Variants in TRAF7 observed in about 807,000 individuals in gnomAD.
TRAF7 encodes TNF receptor associated factor 7.
In TRAF7, 45 loss-of-function variants were observed where a neutral mutation model predicts 89.3. The ratio of observed to expected loss-of-function variants is 0.50; its 90% CI spans 0.40 to 0.65. The LOEUF (loss-of-function observed/expected upper bound fraction) is 0.65. Ranked by LOEUF, TRAF7 falls within the 30% of genes least tolerant of loss-of-function variation. The pLI, the probability that TRAF7 is intolerant of heterozygous loss-of-function variation, is 0.00. For synonymous variants in TRAF7, 406 were observed against 369.2 expected (o/e 1.10, Z -1.14); for missense variants, 677 against 918.1 (o/e 0.74, Z 3.39).
At position 2,173,973 on chromosome 16, in the gene TRAF7, G is replaced by A. The variant is rs773070703; in HGVS notation, c.1188G>A (p.Gln396=). 6.2e-6 allele frequency: 10 copies of A among 1,612,036 alleles called. No homozygotes were observed. Among genetic ancestry groups the A allele is most frequent in the Non-Finnish European group, 7.6e-6 (9 of 1,179,520 alleles). ...FKCKGTFVGH[Q]GPVWCLCVYS... The stretch of plus-strand genomic sequence containing the variant: ...GCAAAGGGACCTTTGTGGGCCACCA[G>A]GGCCCTGTGTGGTGTCTCTGCGTCT... The change falls in exon 13 of 21, where the codon CAG becomes CAA. Residue 396 remains glutamine, a synonymous_variant. Transcript: ENST00000326181.
In TRAF7 at chr16:2,177,983, C is replaced by T. The variant is rs1006010923; in HGVS notation, c.*1409C>T. On this transcript the variant is annotated 3_prime_UTR_variant, in exon 21 of 21. Transcript: ENST00000326181. ...ACAGCTTTTGTCCGGAGCTAGACTT[C>T]GTGTCCTTTCAGTTGGTAAATGGTT... is the stretch of plus-strand genomic sequence containing the variant. The T allele has an allele frequency of 5.2e-6, 2 of 385,524 alleles. No individual in the cohort carries two copies. The highest frequency in any genetic ancestry group is 9.8e-6 in the Non-Finnish European group (2 of 205,112). The allele number at this position is 385,524 out of a possible 1,614,324, so 23.9% of individuals were successfully genotyped here. A position where few individuals can be genotyped will look rare whatever the true frequency, so the allele number is the denominator to read the frequency against.
chr16:2,173,437 C>G (rs2093121925), intron 10 of TRAF7, 38 bp downstream of exon 10: 1 of 1,612,308 alleles, frequency 6.2e-7, no homozygotes, highest in Non-Finnish European at 8.5e-7. Context: ...GGCCTGGCCA[C>G]TGCTCCGGGC....
intron 2 of TRAF7, among the ~76,000 whole-genome samples, 174 bp downstream of exon 2, chr16:2,164,175 C>CGCGCGCGCACGCGT (rs1555465738): frequency 3.9e-4 from 47 of 119,588 alleles, no homozygotes; most frequent in Admixed American, 6.3e-4. Flanking sequence ...CGCGCGCGCG[C>CGCGCGCGCACGCGT]GCGCGCACGC....
rs770739905 is a variant in TRAF7 at position 2,176,543 on chromosome 16, C to T, written c.1999-17C>T. On this transcript the variant is annotated splice_polypyrimidine_tract_variant and intron_variant, in intron 20 of 20. Coordinates refer to ENST00000326181, the MANE Select transcript of TRAF7 (RefSeq NM_032271.3). Reference sequence around the variant, plus strand: ...CCGGCCGCAGGACATCCTGGTGAAGCAGCCCTTTCTCTGCAGGTTTGGACT... The same window carrying T: ...CCGGCCGCAGGACATCCTGGTGAAGTAGCCCTTTCTCTGCAGGTTTGGACT... The T allele has an allele frequency of 6.2e-7, 1 of 1,613,338 alleles. No individual in the cohort carries two copies. Among genetic ancestry groups the T allele is most frequent in the Non-Finnish European group, 8.5e-7 (1 of 1,180,006 alleles).
At chr16:2,160,837 G>T (rs1186579891) in intron 1 of TRAF7, among the ~76,000 whole-genome samples, 1 of 152,072 alleles carries the variant, frequency 6.6e-6, no homozygotes, top group African/African-American at 2.4e-5. Flanking sequence ...TGGGGAAAGA[G>T]GCACTCTCCC....
Position 2,176,886 on chromosome 16 carries a change from C to T in TRAF7, c.*312C>T. ...ACTCACCTTTTCTACCGTTTTTAGA[C>T]TGTATGTAGATTTGGTTACCTCCTG... On this transcript the variant is annotated 3_prime_UTR_variant, in exon 21 of 21. Coordinates refer to ENST00000326181, the MANE Select transcript of TRAF7 (RefSeq NM_032271.3). 1 of 540,738 alleles carries T rather than the reference C, an allele frequency of 1.8e-6. No individual in the cohort carries two copies. Among genetic ancestry groups the T allele is most frequent in the Admixed American group, 3.1e-5 (1 of 31,926 alleles). The allele number at this position is 540,738 out of a possible 1,614,324, so 33.5% of individuals were successfully genotyped here.
chr16:2,166,317 G>A (rs906647253), intron 3 of TRAF7, among the ~76,000 whole-genome samples: 6 of 152,212 alleles, frequency 3.9e-5, no homozygotes, highest in Admixed American at 2.6e-4. Context: ...TGTGCCCGGA[G>A]GTCTTCTCTT....
At chr16:2,165,962 C>G (rs1361300222) in intron 3 of TRAF7, 26 bp downstream of exon 3, 2 of 1,613,880 alleles carry the variant, frequency 1.2e-6, no homozygotes. Flanking sequence ...AAGGCCAGCC[C>G]AGGCTGGGAA....
At chr16:2,174,936 A>G (rs1334951258) in intron 14 of TRAF7, among the ~76,000 whole-genome samples, 175 bp from the exon 15 acceptor site, 1 of 152,096 alleles carries the variant, frequency 6.6e-6, no homozygotes, top group Non-Finnish European at 1.5e-5. Flanking sequence ...CGCCCCTTCC[A>G]AGGTTCCCAT....
chr16:2,165,305 G>C (rs2093080154), intron 2 of TRAF7, among the ~76,000 whole-genome samples: 1 of 136,088 alleles, frequency 7.3e-6, no homozygotes. Context: ...TGGTCGCATG[G>C]TTAAGTGTGT....
At chr16:2,175,252 C>A in intron 15 of TRAF7, 49 bp from the exon 16 acceptor site, 1 of 1,611,912 alleles carries the variant, frequency 6.2e-7, no homozygotes, top group Non-Finnish European at 8.5e-7. Context: ...CTCCAGACTC[C>A]AGGTGGCAGG....
Position 2,168,263 on chromosome 16 carries a change from T to A in TRAF7, c.231+95T>A, listed in dbSNP as rs2141280093. 1 of 1,059,578 alleles carries A rather than the reference T, an allele frequency of 9.4e-7. No individual in the cohort carries two copies. The highest frequency in any genetic ancestry group is 1.4e-6 in the Non-Finnish European group (1 of 727,562). 65.6% of individuals were successfully genotyped at this position (1,059,578 alleles called of 1,614,324 possible). On this transcript the variant is annotated intron_variant, in intron 4 of 20. Coordinates refer to ENST00000326181, the MANE Select transcript of TRAF7 (RefSeq NM_032271.3). The surrounding 1 kb of genome is among the most constrained non-coding windows in gnomAD (Gnocchi z 4.1). ...GTCCCAGGAGGAGTTGACAGTGAGC[T>A]GGTGAGGCACAGGAGAAGAAGAGCA...
Position 2,175,923 on chromosome 16 carries a change from T to C in TRAF7, c.1716T>C (p.Ile572=), listed in dbSNP as rs751874601. ...CCATTGCTGTGACAAATCACCACATTGTCTGTGGCACCTACGAGAACCTCA... is the reference window on the plus strand; with the variant it reads ...CCATTGCTGTGACAAATCACCACATCGTCTGTGGCACCTACGAGAACCTCA... ...VYSIAVTNHH[I]VCGTYENLIH... The change falls in exon 18 of 21, where the codon ATT becomes ATC. Residue 572 remains isoleucine, a synonymous_variant. Transcript: ENST00000326181. 2 of 1,613,442 alleles carry C rather than the reference T, an allele frequency of 1.2e-6. No homozygotes were observed. Among genetic ancestry groups the C allele is most frequent in the Non-Finnish European group, 1.7e-6 (2 of 1,179,978 alleles).
chr16:2,163,667 G>A lies in TRAF7; in HGVS notation c.-38-216G>A, dbSNP rs1419539362. On this transcript the variant is annotated intron_variant, in intron 1 of 20. Transcript: ENST00000326181. The surrounding 1 kb of genome is among the most constrained non-coding windows in gnomAD (Gnocchi z 4.3). Reference sequence around the variant, plus strand: ...AGGCTAAGCCTTGAGGGACGGTGACGCAGAGCCGCCTGCCTGCCCGGGCCT... The same window carrying A: ...AGGCTAAGCCTTGAGGGACGGTGACACAGAGCCGCCTGCCTGCCCGGGCCT... 11 of 545,960 alleles carry A rather than the reference G, an allele frequency of 2.0e-5. No homozygotes were observed. The highest frequency in any genetic ancestry group is 4.0e-5 in the South Asian group (2 of 49,666). 33.8% of individuals were successfully genotyped at this position (545,960 alleles called of 1,614,324 possible). A position where few individuals can be genotyped will look rare whatever the true frequency, so the allele number is the denominator to read the frequency against.
Position 2,173,492 on chromosome 16 carries a change from G to A in TRAF7, c.1024G>A (p.Glu342Lys). The stretch of plus-strand genomic sequence containing the variant: ...CTCCTGCTACTCAGACGTCCTGGAC[G>A]AAAACCAGAGCAAGCTCAGCGAGGA... ...SLELKFDVLD[E>K]NQSKLSEDLM... The change falls in exon 11 of 21, where the codon GAA becomes AAA. Residue 342 changes from glutamate to lysine, a missense_variant. Physicochemically the swap from Glu to Lys is moderately conservative, Grantham distance 56 (BLOSUM62 1). Coordinates refer to ENST00000326181, the MANE Select transcript of TRAF7 (RefSeq NM_032271.3). 1 of 1,613,394 alleles carries A rather than the reference G, an allele frequency of 6.2e-7. No individual in the cohort carries two copies. Among genetic ancestry groups the A allele is most frequent in the Non-Finnish European group, 8.5e-7 (1 of 1,179,946 alleles).
Position 2,171,320 on chromosome 16 carries a change from C to T in TRAF7, c.405C>T (p.Cys135=), listed in dbSNP as rs769791946. ...TGAAGCTGTGCTGTCAGCTCTGCTG[C>T]AGCGTCTTCAAAGACCCCGTGATCA... is the stretch of plus-strand genomic sequence containing the variant. The part of the protein sequence containing the change: ...PSVKLCCQLC[C]SVFKDPVITT... The change falls in exon 6 of 21, where the codon TGC becomes TGT. Residue 135 remains cysteine (C), a synonymous_variant. Coordinates refer to ENST00000326181, the MANE Select transcript of TRAF7 (RefSeq NM_032271.3). 6.4e-7 allele frequency: 1 copy of T among 1,555,534 alleles called. No individual in the cohort carries two copies. The highest frequency in any genetic ancestry group is 8.7e-7 in the Non-Finnish European group (1 of 1,149,964).
intron 1 of TRAF7, among the ~76,000 whole-genome samples, chr16:2,160,485 G>C (rs1476926991): frequency 6.9e-6 from 1 of 145,000 alleles, no homozygotes; most frequent in African/African-American, 2.6e-5. Flanking sequence ...CGGTGTGGAC[G>C]GGCGGGAGGT....
At chr16:2,167,070 A>G (rs2093089311) in intron 3 of TRAF7, among the ~76,000 whole-genome samples, 1 of 152,136 alleles carries the variant, frequency 6.6e-6, no homozygotes, top group East Asian at 1.9e-4. Context: ...TGATCCCCTC[A>G]GGGGCTCTCC....
chr16:2,166,490 C>T (rs1048362365), intron 3 of TRAF7, among the ~76,000 whole-genome samples: 1 of 152,148 alleles, frequency 6.6e-6, no homozygotes, highest in African/African-American at 2.4e-5. Flanking sequence ...CTCACTGCAA[C>T]CTGTGCCTCC....
Sources: gnomAD v4.1 joint callset for allele counts (sites outside exome capture counted in the v4.1 genomes callset) on GRCh38, gnomAD v4.1.1 for gene constraint, Gnocchi (gnomAD v3.1) non-coding constraint, MANE v1.5 for transcripts, NCBI Gene and HGNC (gene_info 2026-07-23, HGNC 2026-07-21) for gene names.